The following ZFYVE1 variants were observed in gnomAD, a reference collection of about 807,000 sequenced individuals.
ZFYVE1 encodes zinc finger FYVE-type containing 1, also known as zinc finger FYVE domain-containing protein 1.
Under a neutral mutation model 74.4 loss-of-function variants are expected in ZFYVE1, and 30 were observed. The observed-to-expected ratio is 0.40, with a 90% CI of 0.30 to 0.55. ZFYVE1 has a LOEUF of 0.55. ZFYVE1 is among the 20% of genes least tolerant of loss of function. The probability of loss-of-function intolerance (pLI) is 0.42; values close to 1 mark genes in which losing one functional copy is unlikely to be tolerated. For missense variants in ZFYVE1, 703 were observed against 1,011.6 expected (o/e 0.69, Z 4.14); for synonymous variants, 335 against 385.1 (o/e 0.87, Z 1.52).
chr14:72,973,383 G>A (rs550633811), intron 11 of ZFYVE1, among the ~76,000 whole-genome samples: 31 of 152,196 alleles, frequency 2.0e-4, no homozygotes, highest in African/African-American at 7.2e-4. Context: ...TAGCTGCTTG[G>A]GAGGCTGAGG....
intron 4 of ZFYVE1, among the ~76,000 whole-genome samples, chr14:72,992,630 T>TCCCCC (rs1324391955): frequency 2.2e-4 from 12 of 55,318 alleles, no homozygotes; most frequent in South Asian, 1.4e-3. Context: ...CCCCGCCCCT[T>TCCCCC]GCAAGAGAGA....
chr14:73,010,676 A>G (rs1326796055), intron 2 of ZFYVE1, among the ~76,000 whole-genome samples: 1 of 149,756 alleles, frequency 6.7e-6, no homozygotes, highest in Non-Finnish European at 1.5e-5. Context: ...AGGTTGAGGC[A>G]GGAGAATCGC....
intron 2 of ZFYVE1, among the ~76,000 whole-genome samples, chr14:73,013,255 C>A (rs1030596856): frequency 4.6e-5 from 7 of 152,194 alleles, no homozygotes; most frequent in Non-Finnish European, 8.8e-5. Flanking sequence ...TATGACCAAG[C>A]TGACCATATA....
At chr14:73,001,809 G>A (rs540355196) in intron 2 of ZFYVE1, among the ~76,000 whole-genome samples, 36 of 151,534 alleles carry the variant, frequency 2.4e-4, no homozygotes, top group African/African-American at 7.8e-4. Context: ...TTAGCCAGGC[G>A]TGGTGGCACA....
chr14:72,978,045 C>T lies in ZFYVE1; in HGVS notation c.1518-1G>A. 6.2e-7 allele frequency: 1 copy of T among 1,614,176 alleles called. No individual in the cohort carries two copies. On this transcript the variant is annotated splice_acceptor_variant, in intron 7 of 11. Transcript: ENST00000556143. LOFTEE classifies it high-confidence loss of function. Reference sequence around the variant, plus strand: ...ACAGTTAGGACATTCGATCACATACCTACAAGGAAAGCAAATCAATACTGT... The same window carrying T: ...ACAGTTAGGACATTCGATCACATACTTACAAGGAAAGCAAATCAATACTGT...
intron 2 of ZFYVE1, among the ~76,000 whole-genome samples, chr14:73,006,073 C>T (rs894169430): frequency 1.3e-5 from 2 of 152,060 alleles, no homozygotes; most frequent in Non-Finnish European, 2.9e-5. Flanking sequence ...AGGCCCGCCA[C>T]CACGCCCGGA....
chr14:72,990,567 C>A (rs1052936484), intron 4 of ZFYVE1, among the ~76,000 whole-genome samples: 6 of 149,494 alleles, frequency 4.0e-5, no homozygotes, highest in South Asian at 2.1e-4. Flanking sequence ...CAGCTAATTT[C>A]GTATTTTTAG....
rs1567341830 is a variant in ZFYVE1 at position 72,970,608 on chromosome 14, T to G, written c.*274A>C. 7 of 497,048 alleles carry G rather than the reference T, an allele frequency of 1.4e-5. No individual in the cohort carries two copies. The highest frequency in any genetic ancestry group is 6.9e-5 in the South Asian group (3 of 43,580). 30.8% of individuals were successfully genotyped at this position (497,048 alleles called of 1,614,324 possible). On this transcript the variant is annotated 3_prime_UTR_variant, in exon 12 of 12. Coordinates refer to ENST00000556143, the MANE Select transcript of ZFYVE1 (RefSeq NM_021260.4). ...TTCATATGTATATATGAGAGAGAGA[T>G]ATACACATATATATTCATTATTTTT... is the stretch of plus-strand genomic sequence containing the variant.
intron 10 of ZFYVE1, 33 bp downstream of exon 10, chr14:72,974,746 C>T (rs747070212): frequency 6.4e-7 from 1 of 1,574,084 alleles, no homozygotes; most frequent in Non-Finnish European, 8.7e-7. Flanking sequence ...AGGTTCTCCC[C>T]TCCACCCCTG....
intron 2 of ZFYVE1, among the ~76,000 whole-genome samples, chr14:73,008,879 G>C (rs1298664775): frequency 6.6e-6 from 1 of 152,154 alleles, no homozygotes; most frequent in African/African-American, 2.4e-5. Flanking sequence ...CTAGAAAAGA[G>C]AGTTAGGTTT....
intron 2 of ZFYVE1, among the ~76,000 whole-genome samples, chr14:73,008,222 C>T (rs1299848393): frequency 2.0e-5 from 3 of 152,210 alleles, no homozygotes; most frequent in Admixed American, 1.3e-4. Flanking sequence ...TGCAATGGCA[C>T]GATCTCGGCT....
chr14:73,011,469 A>AG, intron 2 of ZFYVE1, among the ~76,000 whole-genome samples: 1 of 152,224 alleles, frequency 6.6e-6, no homozygotes, highest in East Asian at 1.9e-4. Flanking sequence ...CCTGGGCAAC[A>AG]GAGTGAGACC....
chr14:73,000,537 G>A (rs1015515878), intron 2 of ZFYVE1, among the ~76,000 whole-genome samples: 7 of 151,764 alleles, frequency 4.6e-5, no homozygotes, highest in Non-Finnish European at 7.4e-5. Context: ...TCAGGAGTTC[G>A]AGGCTACAGT....
At chr14:73,003,428 C>T (rs1188017225) in intron 2 of ZFYVE1, among the ~76,000 whole-genome samples, 1 of 152,100 alleles carries the variant, frequency 6.6e-6, no homozygotes, top group Non-Finnish European at 1.5e-5. Flanking sequence ...ACCTTTGTTT[C>T]CTATAATCTC....
Position 72,969,712 on chromosome 14 carries a change from A to G in ZFYVE1, c.*1170T>C, listed in dbSNP as rs1892978977. The G allele has an allele frequency of 2.8e-6, 2 of 702,494 alleles. No homozygotes were observed. Among genetic ancestry groups the G allele is most frequent in the South Asian group, 1.5e-5 (1 of 67,578 alleles). 43.5% of individuals were successfully genotyped at this position (702,494 alleles called of 1,614,324 possible). On this transcript the variant is annotated 3_prime_UTR_variant, in exon 12 of 12. Coordinates refer to ENST00000556143, the MANE Select transcript of ZFYVE1 (RefSeq NM_021260.4). The stretch of plus-strand genomic sequence containing the variant: ...AAATCCACCATGATGATAGGATTTC[A>G]GCACAACGGGCCCTTTCCAGTCATG...
At chr14:73,023,851 G>A (rs1894397047) in intron 2 of ZFYVE1, among the ~76,000 whole-genome samples, 175 bp downstream of exon 2, 1 of 152,058 alleles carries the variant, frequency 6.6e-6, no homozygotes, top group East Asian at 1.9e-4. Context: ...AAGTAATTCG[G>A]CCAGAGGTCA....
At chr14:72,992,221 C>CT (rs1893629469) in intron 4 of ZFYVE1, among the ~76,000 whole-genome samples, 1 of 151,888 alleles carries the variant, frequency 6.6e-6, no homozygotes, top group East Asian at 1.9e-4. Flanking sequence ...AAATCTCCCT[C>CT]TTAAAGAAAG....
chr14:72,994,995 A>G (rs1480222601), intron 3 of ZFYVE1, among the ~76,000 whole-genome samples: 3 of 152,268 alleles, frequency 2.0e-5, no homozygotes, highest in African/African-American at 7.2e-5. Flanking sequence ...TTGGGCAGCC[A>G]TAGCACAGAT....
intron 2 of ZFYVE1, 87 bp downstream of exon 2, chr14:73,023,939 T>G (rs1240122428): frequency 4.0e-6 from 6 of 1,516,690 alleles, no homozygotes; most frequent in Non-Finnish European, 5.3e-6. Flanking sequence ...AAATGTGATC[T>G]CTTCTTGGAC....
Sources: allele counts gnomAD v4.1 joint callset (sites outside exome capture counted in the v4.1 genomes callset), GRCh38; gene constraint gnomAD v4.1.1; transcripts MANE v1.5; gene names NCBI Gene and HGNC (gene_info 2026-07-23, HGNC 2026-07-21).